The following VAMP5 variants were observed in gnomAD, a reference collection of about 807,000 sequenced individuals.
The protein encoded by VAMP5 is vesicle associated membrane protein 5.
Under a neutral mutation model 8.1 loss-of-function variants are expected in VAMP5, and 10 were observed. That is an observed-to-expected ratio of 1.23 (90% CI 0.76 to 2.09). The LOEUF is 2.09. Among genes scored for constraint, VAMP5 ranks in the 30% most tolerant of loss-of-function variants. The pLI, the probability that VAMP5 is intolerant of heterozygous loss-of-function variation, is 0.00. For synonymous variants in VAMP5, 62 were observed against 60.6 expected, an observed-to-expected ratio of 1.02 and a Z score of -0.11; for missense variants, 135 against 152.5, an observed-to-expected ratio of 0.89 and a Z score of 0.60.
intron 1 of VAMP5, among the ~76,000 whole-genome samples, chr2:85,590,317 C>G (rs1672521139): frequency 6.6e-6 from 1 of 152,202 alleles, no homozygotes. Flanking sequence ...TAGGCTGTAT[C>G]GTAATTGGCC....
At chr2:85,589,950 G>A (rs572754967) in intron 1 of VAMP5, among the ~76,000 whole-genome samples, 4 of 152,272 alleles carry the variant, frequency 2.6e-5, no homozygotes, top group South Asian at 2.1e-4. Context: ...GAGCCACTGC[G>A]CCCAGCCTGC....
intron 1 of VAMP5, among the ~76,000 whole-genome samples, chr2:85,590,090 G>A (rs922949946): frequency 2.0e-5 from 3 of 152,094 alleles, no homozygotes; most frequent in Non-Finnish European, 2.9e-5. Context: ...TGCTCTCTTC[G>A]TTGTTCCTCT....
chr2:85,591,225 A>G (rs1327118503), intron 1 of VAMP5, among the ~76,000 whole-genome samples: 2 of 152,242 alleles, frequency 1.3e-5, no homozygotes. Context: ...GGCAGAGACT[A>G]TGATGTGTGC....
At chr2:85,592,861 C>T (rs1285134115) in intron 2 of VAMP5, 87 bp from the exon 3 acceptor site, 9 of 1,381,060 alleles carry the variant, frequency 6.5e-6, no homozygotes, top group Non-Finnish European at 9.3e-6. Flanking sequence ...GGAGACTAAG[C>T]CTTACTGAGA....
At chr2:85,591,206 G>C (rs1157002884) in intron 1 of VAMP5, among the ~76,000 whole-genome samples, 1 of 152,254 alleles carries the variant, frequency 6.6e-6, no homozygotes, top group Non-Finnish European at 1.5e-5. Context: ...TTTGGGGATA[G>C]AGGGGTTAGG....
intron 1 of VAMP5, 60 bp downstream of exon 1, chr2:85,584,553 G>A: frequency 1.6e-6 from 2 of 1,232,768 alleles, no homozygotes; most frequent in Non-Finnish European, 2.0e-6. Context: ...TGGCGAGGGT[G>A]GGAGAGAGGA....
intron 1 of VAMP5, among the ~76,000 whole-genome samples, chr2:85,590,959 T>A (rs1226865346): frequency 6.6e-6 from 1 of 152,236 alleles, no homozygotes; most frequent in Non-Finnish European, 1.5e-5. Context: ...GCTGGTGTTT[T>A]CTGTTAGGCA....
At chr2:85,592,559 T>C (rs941449469) in intron 2 of VAMP5, among the ~76,000 whole-genome samples, 1 of 151,886 alleles carries the variant, frequency 6.6e-6, no homozygotes, top group East Asian at 1.9e-4. Flanking sequence ...TCCCAACACT[T>C]TGGGAGGCCG....
intron 1 of VAMP5, among the ~76,000 whole-genome samples, chr2:85,588,752 G>C (rs1031458535): frequency 6.6e-6 from 1 of 152,022 alleles, no homozygotes; most frequent in Admixed American, 6.6e-5. Flanking sequence ...TCTGCCTTCT[G>C]TCCTGCCCCA....
intron 1 of VAMP5, among the ~76,000 whole-genome samples, chr2:85,586,527 G>C (rs186851746): frequency 6.6e-6 from 1 of 152,192 alleles, no homozygotes; most frequent in African/African-American, 2.4e-5. Flanking sequence ...AGTGAGCTGA[G>C]ATCGCGCCAT....
chr2:85,585,674 G>A (rs983399293), intron 1 of VAMP5, among the ~76,000 whole-genome samples: 1 of 152,216 alleles, frequency 6.6e-6, no homozygotes, highest in African/African-American at 2.4e-5. Flanking sequence ...TATTGGGGGA[G>A]GAGGATACTG....
At chr2:85,586,396 G>T (rs1260922948) in intron 1 of VAMP5, among the ~76,000 whole-genome samples, 2 of 152,076 alleles carry the variant, frequency 1.3e-5, no homozygotes, top group Non-Finnish European at 2.9e-5. Flanking sequence ...CAAACATGGT[G>T]AAATCCCGTC....
At chr2:85,587,681 G>C (rs1360279181) in intron 1 of VAMP5, among the ~76,000 whole-genome samples, 1 of 152,038 alleles carries the variant, frequency 6.6e-6, no homozygotes, top group Non-Finnish European at 1.5e-5. Context: ...CTAAGCTTTT[G>C]ATTTACAATA....
chr2:85,586,469 G>A (rs181638169), intron 1 of VAMP5, among the ~76,000 whole-genome samples: 7 of 151,994 alleles, frequency 4.6e-5, no homozygotes, highest in Non-Finnish European at 7.4e-5. Context: ...CCAACTATGC[G>A]GGAGGTTGAG....
At chr2:85,590,816 G>A (rs1420469200) in intron 1 of VAMP5, among the ~76,000 whole-genome samples, 4 of 152,180 alleles carry the variant, frequency 2.6e-5, no homozygotes, top group Non-Finnish European at 5.9e-5. Context: ...CCTCCTGCCT[G>A]GTGTCTCTCT....
intron 1 of VAMP5, among the ~76,000 whole-genome samples, chr2:85,589,375 C>T (rs1467542364): frequency 3.9e-5 from 6 of 152,096 alleles, no homozygotes; most frequent in South Asian, 2.1e-4. Flanking sequence ...TTCCCTGGAG[C>T]GAATGTGTTC....
At chr2:85,584,791 G>A (rs746316395) in intron 1 of VAMP5, among the ~76,000 whole-genome samples, 16 of 152,234 alleles carry the variant, frequency 1.1e-4, no homozygotes, top group Non-Finnish European at 1.2e-4. Flanking sequence ...GTCGGACTCC[G>A]GGCTGGGATC....
Position 85,593,002 on chromosome 2 carries a change from A to G in VAMP5, c.196A>G (p.Asn66Asp). Residue 66 changes from asparagine to aspartate, a missense_variant, in exon 3 of 3, where the codon AAC (asparagine) becomes GAC (aspartate). Physicochemically the swap from Asn to Asp is conservative, Grantham distance 23. Coordinates refer to ENST00000306384, the MANE Select transcript of VAMP5 (RefSeq NM_006634.3). Reference sequence around the variant, plus strand: ...CCTGGCCCAGAAGAAGTGCTGGGAGAACATCCGTTACCGGATCTGCGTGGG... The same window carrying G: ...CCTGGCCCAGAAGAAGTGCTGGGAGGACATCCGTTACCGGATCTGCGTGGG... ...QNLAQKKCWE[N>D]IRYRICVGLV... 6.2e-7 allele frequency: 1 copy of G among 1,614,086 alleles called. No homozygotes were observed. Among genetic ancestry groups the G allele is most frequent in the Admixed American group, 1.7e-5 (1 of 60,004 alleles).
At chr2:85,586,809 C>T (rs1039328723) in intron 1 of VAMP5, among the ~76,000 whole-genome samples, 12 of 152,172 alleles carry the variant, frequency 7.9e-5, no homozygotes, top group African/African-American at 2.4e-4. Context: ...CGGTGGCTCA[C>T]GCCTGTAATC....
Sources: gnomAD v4.1 joint callset for allele counts (sites outside exome capture counted in the v4.1 genomes callset) on GRCh38, gnomAD v4.1.1 for gene constraint, MANE v1.5 for transcripts, NCBI Gene and HGNC (gene_info 2026-07-23, HGNC 2026-07-21) for gene names.